STK33: variants seen among roughly 807,000 people sequenced by gnomAD.
STK33 encodes serine/threonine-protein kinase 33.
Under a neutral mutation model 58.0 loss-of-function variants are expected in STK33, and 52 were observed. The observed-to-expected ratio is 0.90, with a 90% CI of 0.72 to 1.13. The LOEUF (loss-of-function observed/expected upper bound fraction) is 1.13. Ranked by LOEUF, STK33 falls within the 50% of genes most tolerant of loss-of-function variation. The pLI is 0.00. For missense variants in STK33, 630 were observed against 604.2 expected (o/e 1.04, Z -0.45); for synonymous variants, 215 against 200.1 (o/e 1.07, Z -0.63).
intron 14 of STK33, among the ~76,000 whole-genome samples, chr11:8,434,902 G>T (rs1943877705): frequency 6.6e-6 from 1 of 152,170 alleles, no homozygotes; most frequent in Admixed American, 6.5e-5. Flanking sequence ...ATTATAGAAG[G>T]AGAAGAATAA....
rs1271133983 is a variant in STK33, at chr11:8,397,011, G to C, written c.1345-4301C>G. On this transcript the variant is annotated intron_variant, in intron 15 of 15. Transcript: ENST00000687296. ...CACCGCAGCTCAAGGAGGCCTGCCT[G>C]CCTCTGTAGACTCCACCTCTGGGGG... Among the ~76,000 whole-genome samples, 6 of 152,224 alleles carry C rather than the reference G, an allele frequency of 3.9e-5. No individual in the cohort carries two copies. The East Asian group carries it at 1.2e-3, about 29-fold the overall frequency.
chr11:8,515,206 T>G (rs1302735187), intron 1 of STK33, among the ~76,000 whole-genome samples: 1 of 151,842 alleles, frequency 6.6e-6, no homozygotes, highest in Non-Finnish European at 1.5e-5. Flanking sequence ...AATACTCAAA[T>G]AAAATCAGAA....
chr11:8,452,852 G>T lies in STK33; in HGVS notation c.841C>A (p.Gln281Lys). The T allele has an allele frequency of 6.2e-7, 1 of 1,614,076 alleles. No individual in the cohort carries two copies. Among genetic ancestry groups the T allele is most frequent in the Non-Finnish European group, 8.5e-7 (1 of 1,179,974 alleles). Residue 281 changes from glutamine (Q) to lysine (K), a missense_variant, in exon 11 of 16, where the codon CAG (glutamine) becomes AAG (lysine). Physicochemically the swap from Gln to Lys is moderately conservative, Grantham distance 53. Transcript: ENST00000687296. ...TAGATAGGAGTCCCACATGTGGCCT[G>T]CAGCATGGCTTCACTCCTACTTTGC... Reference protein sequence around the residue: ...KKQSRSEAMLQATCGTPIYMA... With the variant: ...KKQSRSEAMLKATCGTPIYMA...
At chr11:8,524,844 CA>C (rs1435467316) in intron 1 of STK33, among the ~76,000 whole-genome samples, 1 of 151,338 alleles carries the variant, frequency 6.6e-6, no homozygotes, top group African/African-American at 2.4e-5. Context: ...ATTTGCATCA[CA>C]AAAATAATAA....
chr11:8,523,762 G>A (rs988478379), intron 1 of STK33, among the ~76,000 whole-genome samples: 10 of 150,740 alleles, frequency 6.6e-5, no homozygotes, highest in African/African-American at 2.2e-4. Context: ...CTGCCCGGCC[G>A]CCGCGTCTGG....
chr11:8,428,287 C>A (rs1474356342), intron 14 of STK33, among the ~76,000 whole-genome samples: 1 of 152,184 alleles, frequency 6.6e-6, no homozygotes, highest in Admixed American at 6.5e-5. Context: ...TTACTTCAGA[C>A]CCTTGTGAAG....
the STK33 span, among the ~76,000 whole-genome samples, chr11:8,338,300 A>G: frequency 1.3e-5 from 2 of 152,176 alleles, no homozygotes; most frequent in Non-Finnish European, 2.9e-5. Flanking sequence ...TCTGCTCCAG[A>G]TCACTGCAGG....
At position 8,435,530 on chromosome 11, in the gene STK33, G is replaced by C. The variant is rs745929235; in HGVS notation, c.1110C>G (p.Ile370Met). The C allele has an allele frequency of 3.3e-6, 5 of 1,521,294 alleles. No homozygotes were observed. Among genetic ancestry groups the C allele is most frequent in the Non-Finnish European group, 3.6e-6 (4 of 1,125,880 alleles). The allele number at this position is 1,521,294 out of a possible 1,614,324, so 94.2% of individuals were successfully genotyped here. A position where few individuals can be genotyped will look rare whatever the true frequency, so the allele number is the denominator to read the frequency against. ...GGTTATCTAGTAGTTCCTTAGCTGT[G>C]ATTCTGTGAGCAGGATCTACTTTCA... Reference protein sequence around the residue: ...QLMKVDPAHRITAKELLDNQW... With the variant: ...QLMKVDPAHRMTAKELLDNQW... The change falls in exon 14 of 16, where the codon ATC (isoleucine) becomes ATG (methionine). Residue 370 changes from isoleucine to methionine, a missense_variant. Coordinates refer to ENST00000687296, the MANE Select transcript of STK33 (RefSeq NM_001352389.2).
chr11:8,362,831 CCTCCATCCCTCTCTTTCTGCCTCT>C, the STK33 span, among the ~76,000 whole-genome samples: 7 of 151,842 alleles, frequency 4.6e-5, no homozygotes, highest in Non-Finnish European at 8.8e-5. Context: ...TTCCTTCCTC[CCTCCATCCCTCTCTTTCTGCCTCT>C]CTCCCTCCCT....
intron 14 of STK33, among the ~76,000 whole-genome samples, chr11:8,433,137 G>A (rs1340103071): frequency 6.6e-6 from 1 of 152,148 alleles, no homozygotes; most frequent in Non-Finnish European, 1.5e-5. Context: ...TAACTCATTT[G>A]CACAATTACT....
downstream of STK33, among the ~76,000 whole-genome samples, chr11:8,391,005 C>T (rs1289155427): frequency 1.3e-5 from 2 of 152,162 alleles, no homozygotes; most frequent in Non-Finnish European, 2.9e-5. Flanking sequence ...AGGAGACAAG[C>T]AGCCACCGTG....
intron 15 of STK33, among the ~76,000 whole-genome samples, chr11:8,407,871 G>C (rs987520977): frequency 6.6e-6 from 1 of 152,042 alleles, no homozygotes; most frequent in Non-Finnish European, 1.5e-5. Context: ...AAGTGAAGAA[G>C]AACACGCTTA....
At chr11:8,569,473 G>C (rs1397951192) in intron 1 of STK33, among the ~76,000 whole-genome samples, 1 of 152,280 alleles carries the variant, frequency 6.6e-6, no homozygotes, top group African/African-American at 2.4e-5. Context: ...ACTTGAAATA[G>C]ATCATACACA....
In STK33 at chr11:8,457,423, A is replaced by G; in HGVS notation, c.615T>C (p.Asp205=). ...CEDGELKEIL[D]RKGHFSENET... ...CATTCTCTGAGAAATGCCCTTTCCT[A>G]TCCAGAATTTCTTTGAGTTCTCCAT... is the stretch of plus-strand genomic sequence containing the variant. Residue 205 remains aspartate, a synonymous_variant, in exon 9 of 16, where the codon GAT becomes GAC. Coordinates refer to ENST00000687296, the MANE Select transcript of STK33 (RefSeq NM_001352389.2). The G allele has an allele frequency of 1.2e-6, 2 of 1,607,652 alleles. No individual in the cohort carries two copies. Among genetic ancestry groups the G allele is most frequent in the African/African-American group, 1.3e-5 (1 of 74,962 alleles).
intron 6 of STK33, among the ~76,000 whole-genome samples, chr11:8,472,279 T>C (rs971784343): frequency 6.6e-6 from 1 of 152,154 alleles, no homozygotes; most frequent in Non-Finnish European, 1.5e-5. Flanking sequence ...TGTCAGAGTT[T>C]TTCAGGCCAG....
At chr11:8,354,511 C>CACACACACACACACACACACACACAT in the STK33 span, among the ~76,000 whole-genome samples, 1 of 143,674 alleles carries the variant, frequency 7.0e-6, no homozygotes, top group Non-Finnish European at 1.6e-5. Flanking sequence ...CACACACACA[C>CACACACACACACACACACACACACAT]ACACACCCCT....
intron 1 of STK33, among the ~76,000 whole-genome samples, chr11:8,585,954 G>A (rs557175315): frequency 4.7e-4 from 71 of 152,270 alleles, no homozygotes; most frequent in Non-Finnish European, 9.3e-4. Context: ...TTGGGAGGCT[G>A]AGACAGGAGA....
chr11:8,350,274 G>A, the STK33 span, among the ~76,000 whole-genome samples: 2 of 152,224 alleles, frequency 1.3e-5, no homozygotes, highest in Admixed American at 6.5e-5. Context: ...CAGACTCCCA[G>A]AGCAGGAGGC....
At chr11:8,561,817 T>A (rs1957132167) in intron 1 of STK33, among the ~76,000 whole-genome samples, 1 of 152,178 alleles carries the variant, frequency 6.6e-6, no homozygotes, top group Admixed American at 6.5e-5. Flanking sequence ...ATGTATAAAG[T>A]GTAACTGAGC....
Sources: allele counts gnomAD v4.1 joint callset (sites outside exome capture counted in the v4.1 genomes callset), GRCh38; gene constraint gnomAD v4.1.1; transcripts MANE v1.5; gene names NCBI Gene and HGNC (gene_info 2026-07-23, HGNC 2026-07-21).